BRINP3: variants seen among roughly 807,000 people sequenced by gnomAD.
BRINP3 encodes BMP/retinoic acid-inducible neural-specific protein 3.
In BRINP3, 19 loss-of-function variants were observed where a neutral mutation model predicts 71.0. The observed-to-expected ratio is 0.27, with a 90% CI of 0.19 to 0.39. The LOEUF is 0.39. Ranked by LOEUF, BRINP3 falls within the 10% of genes least tolerant of loss-of-function variation. The pLI is 1.00. For missense variants in BRINP3, 959 were observed against 940.8 expected (o/e 1.02, Z -0.25); for synonymous variants, 380 against 337.7 (o/e 1.13, Z -1.37).
In BRINP3 at chr1:190,259,612, CAAAAAATA is replaced by C. The variant is rs1490459715; in HGVS notation, c.618+5245_618+5252del. On this transcript the variant is annotated intron_variant, in intron 4 of 7. Transcript: ENST00000367462. ...CATTCTCACCACCAGGAGAATTAGG[CAAAAAATA>C]AATAAATAAATAAATAAATAAATAA... Among the ~76,000 whole-genome samples, 811 of 115,982 alleles carry C rather than the reference CAAAAAATA, an allele frequency of 7.0e-3. 6 individuals are homozygous for C. Among genetic ancestry groups the C allele is most frequent in the Non-Finnish European group, 0.01 (557 of 55,652 alleles). 76.1% of individuals were successfully genotyped at this position (115,982 alleles called of 152,430 possible). A position where few individuals can be genotyped will look rare whatever the true frequency, so the allele number is the denominator to read the frequency against.
intron 2 of BRINP3, among the ~76,000 whole-genome samples, chr1:190,301,198 C>CATATATATATATATAT (rs1390064895): frequency 0.012 from 329 of 26,682 alleles, 9 homozygotes; most frequent in East Asian, 0.056. Context: ...TATATATATA[C>CATATATATATATATAT]ACATACATAT....
intron 4 of BRINP3, among the ~76,000 whole-genome samples, chr1:190,263,081 C>G (rs1484436261): frequency 2.0e-5 from 3 of 151,928 alleles, no homozygotes; most frequent in African/African-American, 7.3e-5. Flanking sequence ...ACAGCAACAA[C>G]AAAAATCAAT....
chr1:190,345,139 G>T (rs566358406), intron 2 of BRINP3, among the ~76,000 whole-genome samples: 2 of 151,870 alleles, frequency 1.3e-5, no homozygotes, highest in South Asian at 4.2e-4. Context: ...CAGATCTACT[G>T]TAAAAGTTGT....
chr1:190,186,861 G>T (rs759499918), intron 6 of BRINP3, among the ~76,000 whole-genome samples: 18 of 152,064 alleles, frequency 1.2e-4, no homozygotes, highest in Non-Finnish European at 2.2e-4. Flanking sequence ...CCAGTTTCAA[G>T]ATTTATTGTG....
At chr1:190,292,345 G>GA (rs539407153) in intron 2 of BRINP3, among the ~76,000 whole-genome samples, 1 of 151,804 alleles carries the variant, frequency 6.6e-6, no homozygotes, top group African/African-American at 2.4e-5. Flanking sequence ...TACATGACAA[G>GA]AAAAAATATA....
At chr1:190,210,595 G>A (rs890709403) in intron 6 of BRINP3, among the ~76,000 whole-genome samples, 7 of 151,990 alleles carry the variant, frequency 4.6e-5, no homozygotes, top group Non-Finnish European at 7.4e-5. Context: ...GACTATGGCA[G>A]GGCAGTCATT....
chr1:190,180,062 G>A (rs1315181685), intron 6 of BRINP3, among the ~76,000 whole-genome samples: 1 of 152,084 alleles, frequency 6.6e-6, no homozygotes, highest in African/African-American at 2.4e-5. Flanking sequence ...AAGAAGGGTT[G>A]ATGCCGTTTG....
chr1:190,273,067 A>G (rs927318694), intron 3 of BRINP3, among the ~76,000 whole-genome samples: 3 of 150,386 alleles, frequency 2.0e-5, no homozygotes, highest in African/African-American at 4.9e-5. Flanking sequence ...TTTTTTTTCA[A>G]TTGTGCATAA....
rs1036856163 is a variant in BRINP3 at position 190,199,917 on chromosome 1, T to C, written c.961+26165A>G. 3.9e-5 allele frequency among the ~76,000 whole-genome samples: 6 copies of C among 152,096 alleles called. No individual in the cohort carries two copies. The East Asian group carries it at 1.2e-3, about 29-fold the overall frequency. On this transcript the variant is annotated intron_variant, in intron 6 of 7. Coordinates refer to ENST00000367462, the MANE Select transcript of BRINP3 (RefSeq NM_199051.3). The stretch of plus-strand genomic sequence containing the variant: ...AAATATAAAATATTCACCTTGTCTA[T>C]GTGACAACTACCTGAATTGCCAGAC...
At chr1:190,334,423 A>C (rs890353871) in intron 2 of BRINP3, among the ~76,000 whole-genome samples, 1 of 151,820 alleles carries the variant, frequency 6.6e-6, no homozygotes, top group African/African-American at 2.4e-5. Context: ...CGAGAAACTG[A>C]AAAAGATGCA....
At chr1:190,160,015 T>A (rs955088207) in intron 7 of BRINP3, among the ~76,000 whole-genome samples, 9 of 152,016 alleles carry the variant, frequency 5.9e-5, no homozygotes, top group Non-Finnish European at 1.2e-4. Context: ...CTTGTGATAG[T>A]GTCCTATATT....
chr1:190,415,625 T>C (rs1413661496), intron 2 of BRINP3, among the ~76,000 whole-genome samples: 1 of 152,176 alleles, frequency 6.6e-6, no homozygotes, highest in Admixed American at 6.5e-5. Flanking sequence ...AATCTTCAGC[T>C]GGGCACAGTG....
intron 2 of BRINP3, among the ~76,000 whole-genome samples, chr1:190,415,430 C>T (rs1249860723): frequency 6.6e-6 from 1 of 152,006 alleles, no homozygotes; most frequent in African/African-American, 2.4e-5. Context: ...TATTTAATGG[C>T]TTCAATTCTA....
At chr1:190,338,336 G>A (rs1667426566) in intron 2 of BRINP3, among the ~76,000 whole-genome samples, 1 of 151,940 alleles carries the variant, frequency 6.6e-6, no homozygotes, top group South Asian at 2.1e-4. Flanking sequence ...AGGACCTTAT[G>A]TCTTGGATAT....
At chr1:190,280,174 T>C (rs763719063) in intron 3 of BRINP3, among the ~76,000 whole-genome samples, 14 of 151,958 alleles carry the variant, frequency 9.2e-5, no homozygotes, top group Admixed American at 1.3e-4. Context: ...GCACTATTGA[T>C]GAAAGAGTAG....
At chr1:190,348,953 G>C (rs552274468) in intron 2 of BRINP3, among the ~76,000 whole-genome samples, 2 of 152,096 alleles carry the variant, frequency 1.3e-5, no homozygotes, top group East Asian at 3.9e-4. Flanking sequence ...CTTTATTTTT[G>C]TTTACTCTTA....
intron 2 of BRINP3, among the ~76,000 whole-genome samples, chr1:190,373,543 C>A (rs946855032): frequency 2.0e-5 from 3 of 150,500 alleles, no homozygotes; most frequent in Admixed American, 6.6e-5. Flanking sequence ...TCATTATTTG[C>A]AAATTCTACA....
At chr1:190,458,643 G>A (rs1324342334) in intron 1 of BRINP3, among the ~76,000 whole-genome samples, 1 of 152,010 alleles carries the variant, frequency 6.6e-6, no homozygotes, top group Non-Finnish European at 1.5e-5. Context: ...AGATGGTTTA[G>A]TAAATAGAGT....
chr1:190,469,817 G>A (rs954142572), intron 1 of BRINP3, among the ~76,000 whole-genome samples: 1 of 150,848 alleles, frequency 6.6e-6, no homozygotes, highest in Non-Finnish European at 1.5e-5. Context: ...ATATGCATAA[G>A]GTATTATATA....
Sources: gnomAD v4.1 joint callset for allele counts (sites outside exome capture counted in the v4.1 genomes callset) on GRCh38, gnomAD v4.1.1 for gene constraint, MANE v1.5 for transcripts, NCBI Gene and HGNC (gene_info 2026-07-23, HGNC 2026-07-21) for gene names.